The following RNF128 variants were observed in gnomAD, a reference collection of about 807,000 sequenced individuals.
The protein encoded by RNF128 is ring finger protein 128.
Under a neutral mutation model 26.2 loss-of-function variants are expected in RNF128, and 13 were observed. The ratio of observed to expected loss-of-function variants is 0.50; its 90% CI spans 0.32 to 0.79. The LOEUF (loss-of-function observed/expected upper bound fraction) is 0.79, where lower values mean the gene tolerates loss of function less well. Among genes scored for constraint, RNF128 ranks in the 30% least tolerant of loss-of-function variants. RNF128 has a pLI of 0.03. For missense variants in RNF128, 315 were observed against 349.7 expected (o/e 0.90, Z 0.79); for synonymous variants, 149 against 142.5 (o/e 1.05, Z -0.32).
At chrX:106,706,033 C>T (rs776825867) in intron 1 of RNF128, among the ~76,000 whole-genome samples, 33 of 111,681 alleles carry the variant, frequency 3.0e-4, no homozygotes, top group Non-Finnish European at 5.5e-4. Flanking sequence ...AGCTTAAAGG[C>T]TTAAAGAAGG....
rs772162432 is a variant in RNF128 at position 106,791,117 on chromosome X, A to G, written c.1036A>G (p.Ile346Val). 6 of 1,208,367 alleles carry G rather than the reference A, an allele frequency of 5.0e-6. No homozygotes were observed. Among genetic ancestry groups the G allele is most frequent in the Non-Finnish European group, 6.7e-6 (6 of 893,041 alleles). Reference sequence around the variant, plus strand: ...TTTACAAGTCCCTGTATCCAATGAAATATCTAATAGTGCCTCCTCCCATGA... The same window carrying G: ...TTTACAAGTCCCTGTATCCAATGAAGTATCTAATAGTGCCTCCTCCCATGA... The part of the protein sequence containing the change: ...VSLQVPVSNE[I>V]SNSASSHEED... The change falls in exon 6 of 7, where the codon ATA (isoleucine) becomes GTA (valine). Residue 346 changes from isoleucine (I) to valine (V), a missense_variant. By Grantham distance (29) the Ile-to-Val change is conservative. Transcript: ENST00000255499.
rs1458360637 is a variant in RNF128 at position 106,754,536 on chromosome X, A to C, written c.485-18377A>C. Among the ~76,000 whole-genome samples the C allele has an allele frequency of 4.0e-5, 4 of 100,646 alleles. No homozygotes were observed. In the East Asian group the frequency reaches 1.3e-3, roughly 32 times the overall value. 87.4% of individuals were successfully genotyped at this position (100,646 alleles called of 115,157 possible). On this transcript the variant is annotated intron_variant, in intron 1 of 6. Coordinates refer to ENST00000255499, the MANE Select transcript of RNF128 (RefSeq NM_194463.2). ...TGGCCTCCCAAAGTGCTGGGATTAC[A>C]GGTGTGAGCCAGCATGCCCAGCCAA...
At chrX:106,753,425 C>T (rs1446509601) in intron 1 of RNF128, among the ~76,000 whole-genome samples, 1 of 111,226 alleles carries the variant, frequency 9.0e-6, no homozygotes, top group Non-Finnish European at 1.9e-5. Context: ...TTATCTATAA[C>T]ATTCATGGTA....
chrX:106,723,293 G>A (rs1929344515), upstream of RNF128, among the ~76,000 whole-genome samples: 1 of 111,522 alleles, frequency 9.0e-6, no homozygotes, highest in Non-Finnish European at 1.9e-5. Context: ...TTCTGGCCTG[G>A]CGCGGTGGCT....
intron 1 of RNF128, among the ~76,000 whole-genome samples, chrX:106,770,680 C>T (rs1326119474): frequency 9.0e-6 from 1 of 111,437 alleles, no homozygotes; most frequent in Admixed American, 9.5e-5. Flanking sequence ...TACTTCTTTG[C>T]GATGGGTTCG....
chrX:106,787,911 C>A lies in RNF128; in HGVS notation c.805-7C>A, dbSNP rs1280662395. 35 of 1,165,793 alleles carry A rather than the reference C, an allele frequency of 3.0e-5. No homozygotes were observed. The highest frequency in any genetic ancestry group is 3.2e-5 in the Non-Finnish European group (28 of 865,140). Reference sequence around the variant, plus strand: ...CTGTCAGAGTAACAATAACTACTTGCTTGTAGGAAATTGGCCCTGATGGAG... The same window carrying A: ...CTGTCAGAGTAACAATAACTACTTGATTGTAGGAAATTGGCCCTGATGGAG... On this transcript the variant is annotated splice_region_variant and splice_polypyrimidine_tract_variant and intron_variant, in intron 3 of 6. Transcript: ENST00000255499.
intron 1 of RNF128, among the ~76,000 whole-genome samples, chrX:106,710,463 G>A (rs957294219): frequency 8.0e-5 from 9 of 111,805 alleles, no homozygotes; most frequent in South Asian, 3.7e-4. Context: ...TCAGGGATAC[G>A]AAAAGCTGAT....
At chrX:106,789,025 TGAGATAATATACC>T (rs1930754814) in intron 4 of RNF128, among the ~76,000 whole-genome samples, 1 of 83,752 alleles carries the variant, frequency 1.2e-5, no homozygotes, top group Non-Finnish European at 2.2e-5. Context: ...TACTATATAG[TGAGATAATATACC>T]ATATATTATC....
At chrX:106,737,834 G>A (rs1929627072) in intron 1 of RNF128, among the ~76,000 whole-genome samples, 1 of 111,829 alleles carries the variant, frequency 8.9e-6, no homozygotes, top group Admixed American at 9.5e-5. Context: ...TTCATCACCA[G>A]TTCATTTTGG....
chrX:106,698,637 C>T (rs1388937200), intron 1 of RNF128, among the ~76,000 whole-genome samples: 1 of 111,522 alleles, frequency 9.0e-6, no homozygotes, highest in East Asian at 2.9e-4. Flanking sequence ...CTCCAAGACA[C>T]CACTCACTCT....
intron 1 of RNF128, among the ~76,000 whole-genome samples, chrX:106,728,335 A>G (rs1031137069): frequency 9.0e-6 from 1 of 111,632 alleles, no homozygotes; most frequent in Non-Finnish European, 1.9e-5. Flanking sequence ...TTAAATTCCT[A>G]CTCTGTTGCT....
intron 1 of RNF128, among the ~76,000 whole-genome samples, chrX:106,752,346 T>C (rs746006393): frequency 2.7e-4 from 30 of 112,260 alleles, no homozygotes; most frequent in Admixed American, 2.3e-3. Flanking sequence ...CACAGCATGG[T>C]GAGAGAGATT....
intron 1 of RNF128, among the ~76,000 whole-genome samples, chrX:106,769,551 T>TG (rs1930329551): frequency 9.8e-6 from 1 of 102,016 alleles, no homozygotes; most frequent in Non-Finnish European, 2.0e-5. Context: ...GCTTTGTTTT[T>TG]TTTTTTTTTT....
chrX:106,743,817 A>G (rs899740622), intron 1 of RNF128, among the ~76,000 whole-genome samples: 2 of 111,475 alleles, frequency 1.8e-5, no homozygotes, highest in Admixed American at 9.5e-5. Context: ...TGTTTATTGC[A>G]GCACTATTCA....
At chrX:106,706,793 A>G (rs1346547299) in intron 1 of RNF128, among the ~76,000 whole-genome samples, 1 of 112,534 alleles carries the variant, frequency 8.9e-6, no homozygotes, top group Admixed American at 9.4e-5. Context: ...GGATTAAATT[A>G]CATAATGCAT....
chrX:106,790,233 G>A lies in RNF128; in HGVS notation c.935G>A (p.Arg312Lys), dbSNP rs190118752. Reference sequence around the variant, plus strand: ...GTTGACCCATGGCTGTTAGAACACAGGACTTGCCCCATGTGCAAATGTGAC... The same window carrying A: ...GTTGACCCATGGCTGTTAGAACACAAGACTTGCCCCATGTGCAAATGTGAC... The part of the protein sequence containing the change: ...TCVDPWLLEH[R>K]TCPMCKCDIL... Residue 312 changes from arginine to lysine, a missense_variant, in exon 5 of 7, where the codon AGG (arginine) becomes AAG (lysine). Coordinates refer to ENST00000255499, the MANE Select transcript of RNF128 (RefSeq NM_194463.2). 215 of 1,202,541 alleles carry A rather than the reference G, an allele frequency of 1.8e-4. No individual in the cohort carries two copies. In the East Asian group the frequency reaches 6.1e-3, roughly 34 times the overall value.
chrX:106,766,441 G>C (rs1045309348), intron 1 of RNF128, among the ~76,000 whole-genome samples: 6 of 111,849 alleles, frequency 5.4e-5, no homozygotes, highest in African/African-American at 1.9e-4. Context: ...ATTGTAGTTT[G>C]GTTTGCATTT....
chrX:106,785,302 A>G (rs913384511), intron 3 of RNF128, among the ~76,000 whole-genome samples, 166 bp downstream of exon 3: 26 of 112,030 alleles, frequency 2.3e-4, no homozygotes, highest in Non-Finnish European at 4.3e-4. Context: ...TCCCAAAGAT[A>G]TCTAAGATAA....
intron 1 of RNF128, among the ~76,000 whole-genome samples, chrX:106,715,559 G>A (rs1215530559): frequency 9.0e-6 from 1 of 111,552 alleles, no homozygotes; most frequent in East Asian, 2.8e-4. Flanking sequence ...ATGTTTTTGT[G>A]GAGGACTAGG....
Sources: allele counts gnomAD v4.1 joint callset (sites outside exome capture counted in the v4.1 genomes callset), GRCh38; gene constraint gnomAD v4.1.1; transcripts MANE v1.5; gene names NCBI Gene and HGNC (gene_info 2026-07-23, HGNC 2026-07-21).